Variants in RALGDS observed in about 807,000 individuals in gnomAD.
RALGDS encodes the protein ral guanine nucleotide exchange factor.
A neutral mutation model predicts 99.8 loss-of-function variants in RALGDS; 44 were observed. The ratio of observed to expected loss-of-function variants is 0.44; its 90% CI spans 0.35 to 0.57. The LOEUF (loss-of-function observed/expected upper bound fraction) is 0.57. Among genes scored for constraint, RALGDS ranks in the 20% least tolerant of loss-of-function variants. The pLI is 0.01. For synonymous variants in RALGDS, 529 were observed against 505.0 expected (o/e 1.05, Z -0.64); for missense variants, 1,022 against 1,203.1 (o/e 0.85, Z 2.23).
chr9:133,100,874 T>TG (rs1296480785), intron 16 of RALGDS: 17 of 1,055,006 alleles, frequency 1.6e-5, no homozygotes, highest in Non-Finnish European at 9.2e-6. Flanking sequence ...GACTGCTTAA[T>TG]GACAACCATG....
chr9:133,115,470 C>T (rs1831552930), intron 1 of RALGDS, among the ~76,000 whole-genome samples: 1 of 152,174 alleles, frequency 6.6e-6, no homozygotes, highest in Non-Finnish European at 1.5e-5. Flanking sequence ...CTGCTCAGGT[C>T]CCAGTCACCA....
chr9:133,109,616 G>A lies in RALGDS; in HGVS notation c.584+10C>T. ...CAGGGTCCCTTCCTCTTGGCTCAAAGCTCACTCACTTTTTAAGTTGGTCCT... is the reference window on the plus strand; with the variant it reads ...CAGGGTCCCTTCCTCTTGGCTCAAAACTCACTCACTTTTTAAGTTGGTCCT... On this transcript the variant is annotated intron_variant, in intron 4 of 17. Coordinates refer to ENST00000372050, the MANE Select transcript of RALGDS (RefSeq NM_006266.4). 1 of 1,606,700 alleles carries A rather than the reference G, an allele frequency of 6.2e-7. No individual in the cohort carries two copies. Among genetic ancestry groups the A allele is most frequent in the African/African-American group, 1.3e-5 (1 of 74,912 alleles).
chr9:133,119,559 G>C (rs1831802661), intron 1 of RALGDS, among the ~76,000 whole-genome samples: 1 of 152,174 alleles, frequency 6.6e-6, no homozygotes. Context: ...GGGACGGAGA[G>C]AGGGAACCTG....
intron 1 of RALGDS, among the ~76,000 whole-genome samples, chr9:133,117,135 C>T (rs186476725): frequency 3.2e-4 from 49 of 152,332 alleles, no homozygotes; most frequent in Admixed American, 1.8e-3. Context: ...CAGGCCGCTC[C>T]CCTGGCACCT....
At chr9:133,125,985 G>A (rs901329460), upstream of RALGDS, among the ~76,000 whole-genome samples, 3 of 152,312 alleles carry the variant, frequency 2.0e-5, no homozygotes, top group Non-Finnish European at 1.5e-5. Flanking sequence ...TGCCCACATG[G>A]GGCTATCAGA....
chr9:133,124,363 G>C (rs1832082949), upstream of RALGDS, among the ~76,000 whole-genome samples: 1 of 152,074 alleles, frequency 6.6e-6, no homozygotes, highest in African/African-American at 2.4e-5. Flanking sequence ...CACACAGACA[G>C]AGACATACCT....
Position 133,121,080 on chromosome 9 carries a change from C to G in RALGDS, c.75G>C (p.Arg25=). ...GAEPLFPGSR[R]SRSVWDAVRL... ...GCACGGCGTCCCACACGCTGCGGCTCCGCCGGGAGCCCGGAAACAGCGGCT... is the reference window on the plus strand; with the variant it reads ...GCACGGCGTCCCACACGCTGCGGCTGCGCCGGGAGCCCGGAAACAGCGGCT... The change falls in exon 1 of 18, where the codon CGG becomes CGC. Residue 25 remains arginine, a synonymous_variant. Transcript: ENST00000372050. The G allele has an allele frequency of 6.8e-7, 1 of 1,481,384 alleles. No homozygotes were observed. Among genetic ancestry groups the G allele is most frequent in the Non-Finnish European group, 8.9e-7 (1 of 1,122,098 alleles). 91.8% of individuals were successfully genotyped at this position (1,481,384 alleles called of 1,614,324 possible). A position where few individuals can be genotyped will look rare whatever the true frequency, so the allele number is the denominator to read the frequency against.
At chr9:133,142,718 G>A (rs1832543765) in intron 1 of RALGDS, among the ~76,000 whole-genome samples, 1 of 152,208 alleles carries the variant, frequency 6.6e-6, no homozygotes, top group Non-Finnish European at 1.5e-5. Context: ...CAGAGTCCAA[G>A]GCCTTCATTA....
upstream of RALGDS, among the ~76,000 whole-genome samples, chr9:133,132,946 C>T (rs1015967691): frequency 4.6e-5 from 7 of 152,094 alleles, no homozygotes; most frequent in Admixed American, 1.3e-4. Context: ...CAGAAGCGCT[C>T]AACTTTCATA....
chr9:133,144,367 C>A lies in RALGDS; in HGVS notation c.18+4596G>T, dbSNP rs1564256513. 6.6e-6 allele frequency among the ~76,000 whole-genome samples: 1 copy of A among 152,142 alleles called. No individual in the cohort carries two copies. Among genetic ancestry groups the A allele is most frequent in the African/African-American group, 2.4e-5 (1 of 41,424 alleles). On this transcript the variant is annotated intron_variant, in intron 1 of 17. Coordinates refer to the RALGDS transcript ENST00000393160. This position sits in a 1 kb window ranked among gnomAD's most constrained non-coding sequence, Gnocchi z 4.5. Reference sequence around the variant, plus strand: ...CTGCAAACCATGGTCCTCCTCGCCACCCCTGTCACCTCCTCCTCCGCCCCC... The same window carrying A: ...CTGCAAACCATGGTCCTCCTCGCCAACCCTGTCACCTCCTCCTCCGCCCCC...
At chr9:133,109,491 C>A (rs1831233734) in intron 4 of RALGDS, 135 bp downstream of exon 4, 2 of 843,172 alleles carry the variant, frequency 2.4e-6, no homozygotes, top group African/African-American at 3.3e-5. Context: ...AGACCCCAGC[C>A]CTCTAGCAGG....
intron 6 of RALGDS, 26 bp from the exon 7 acceptor site, chr9:133,107,326 G>T: frequency 1.3e-6 from 2 of 1,583,278 alleles, no homozygotes; most frequent in East Asian, 4.5e-5. Flanking sequence ...AATGTCACCT[G>T]GTCCTGCCCC....
Position 133,101,670 on chromosome 9 carries a change from G to T in RALGDS, c.2304C>A (p.Pro768=), listed in dbSNP as rs764281407. 1 of 1,613,762 alleles carries T rather than the reference G, an allele frequency of 6.2e-7. No individual in the cohort carries two copies. Among genetic ancestry groups the T allele is most frequent in the East Asian group, 2.2e-5 (1 of 44,898 alleles). The part of the protein sequence containing the change: ...STSSSSASTT[P]VAATRTHKRS... ...GCTTGTGGGTGCGTGTGGCAGCCAC[G>T]GGCGTGGTGGAGGCTGAGGAGGACG... Residue 768 remains proline (P), a synonymous_variant, in exon 16 of 18, where the codon CCC becomes CCA. Transcript: ENST00000372050.
At chr9:133,113,962 C>CA (rs1831473992) in intron 1 of RALGDS, among the ~76,000 whole-genome samples, 1 of 152,234 alleles carries the variant, frequency 6.6e-6, no homozygotes. Context: ...TGAGCACCAT[C>CA]AGTGCCTGCT....
chr9:133,105,095 C>T (rs565516458), intron 9 of RALGDS, among the ~76,000 whole-genome samples: 1 of 152,256 alleles, frequency 6.6e-6, no homozygotes, highest in Admixed American at 6.5e-5. Context: ...GTCCTCTGGG[C>T]TTCTCGTGCA....
At chr9:133,123,950 GCA>G (rs376850668), upstream of RALGDS, among the ~76,000 whole-genome samples, 2 of 47,412 alleles carry the variant, frequency 4.2e-5, no homozygotes, top group Admixed American at 5.1e-4. Context: ...ACACAGAGAT[GCA>G]CACACAGAGA....
At chr9:133,103,323 A>G (rs1830851041) in intron 11 of RALGDS, 61 bp from the exon 12 acceptor site, 2 of 1,600,564 alleles carry the variant, frequency 1.2e-6, no homozygotes, top group Admixed American at 1.7e-5. Context: ...CAGTCTCCCC[A>G]CCTCATGCTG....
intron 1 of RALGDS, among the ~76,000 whole-genome samples, chr9:133,139,023 CAT>C (rs1381201580): frequency 1.3e-5 from 2 of 152,172 alleles, no homozygotes; most frequent in African/African-American, 4.8e-5. Flanking sequence ...AGGCACCAGC[CAT>C]GTGTCCCCAC....
In RALGDS at chr9:133,121,038, G is replaced by T. The variant is rs1256954802; in HGVS notation, c.117C>A (p.Val39=). The T allele has an allele frequency of 4.0e-6, 6 of 1,495,140 alleles. No individual in the cohort carries two copies. The highest frequency in any genetic ancestry group is 5.3e-6 in the Non-Finnish European group (6 of 1,128,710). 92.6% of individuals were successfully genotyped at this position (1,495,140 alleles called of 1,614,324 possible). A position where few individuals can be genotyped will look rare whatever the true frequency, so the allele number is the denominator to read the frequency against. Residue 39 remains valine, a synonymous_variant, in exon 1 of 18, where the codon GTC becomes GTA. Coordinates refer to ENST00000372050, the MANE Select transcript of RALGDS (RefSeq NM_006266.4). Reference sequence around the variant, plus strand: ...GCAGCACCACCGGGCAGCTGTCGGGGACGCCCACCTCCAGGCGCACGGCGT... The same window carrying T: ...GCAGCACCACCGGGCAGCTGTCGGGTACGCCCACCTCCAGGCGCACGGCGT... ...VWDAVRLEVG[V]PDSCPVVLHS... is the part of the protein sequence containing the mutation.
Sources: allele counts gnomAD v4.1 joint callset (sites outside exome capture counted in the v4.1 genomes callset), GRCh38; gene constraint gnomAD v4.1.1; non-coding constraint Gnocchi (gnomAD v3.1); transcripts MANE v1.5; gene names NCBI Gene and HGNC (gene_info 2026-07-23, HGNC 2026-07-21).